Variants in ZNF334 observed in about 807,000 individuals in gnomAD.
The protein encoded by ZNF334 is zinc finger protein 334.
Under a neutral mutation model 12.4 loss-of-function variants are expected in ZNF334, and 14 were observed. The observed-to-expected ratio is 1.13, with a 90% CI of 0.74 to 1.76. The LOEUF is 1.76. ZNF334 is among the 40% of genes most tolerant of loss of function. The probability of loss-of-function intolerance (pLI) is 0.00; values close to 1 mark genes in which losing one functional copy is unlikely to be tolerated. For synonymous variants in ZNF334, 273 were observed against 269.6 expected (o/e 1.01, Z -0.12); for missense variants, 797 against 804.5 (o/e 0.99, Z 0.11).
chr20:46,503,855 A>G (rs889110677), intron 4 of ZNF334, among the ~76,000 whole-genome samples: 1 of 152,240 alleles, frequency 6.6e-6, no homozygotes, highest in African/African-American at 2.4e-5. Flanking sequence ...GACAATTAAA[A>G]AGATCATGAC....
chr20:46,504,695 C>A lies in ZNF334; in HGVS notation c.67G>T (p.Glu23Ter). Residue 23 changes from glutamate (E) to a stop codon, truncating the protein, a stop_gained, in exon 3 of 5, where the codon GAA (glutamate) becomes TAA (stop). Transcript: ENST00000692313. LOFTEE classifies it high-confidence loss of function. Reference sequence around the variant, plus strand: ...TGAGCAGGGTCCAGTTGCTGCCATTCCTCTTGGGTGAAGTTCACAGTCAGG... The same window carrying A: ...TGAGCAGGGTCCAGTTGCTGCCATTACTCTTGGGTGAAGTTCACAGTCAGG... ...QDLTVNFTQE[E>*]WQQLDPAQRL... The A allele has an allele frequency of 6.2e-7, 1 of 1,611,858 alleles. No homozygotes were observed.
the ZNF334 span, among the ~76,000 whole-genome samples, chr20:46,489,421 C>G: frequency 1.8e-3 from 275 of 152,118 alleles, 1 homozygote; most frequent in Non-Finnish European, 3.2e-3. Flanking sequence ...GTAACCCCAC[C>G]ACTTTGGGAG....
chr20:46,490,589 A>G, the ZNF334 span, among the ~76,000 whole-genome samples: 1 of 152,194 alleles, frequency 6.6e-6, no homozygotes, highest in African/African-American at 2.4e-5. Context: ...AATCACAAGT[A>G]TAATTATTTC....
Position 46,502,420 on chromosome 20 carries a change from C to T in ZNF334, c.919G>A (p.Ala307Thr), listed in dbSNP as rs768733880. ...ECRKTFIDKS[A>T]LIVHQKIHGG... The stretch of plus-strand genomic sequence containing the variant: ...TGAATTTTCTGGTGTACAATAAGGG[C>T]AGATTTGTCAATGAAGGTTTTCCTG... Residue 307 changes from alanine (A) to threonine (T), a missense_variant, in exon 5 of 5, where the codon GCC (alanine) becomes ACC (threonine). Physicochemically the swap from Ala to Thr is moderately conservative, Grantham distance 58. Transcript: ENST00000692313. 1.5e-5 allele frequency: 25 copies of T among 1,613,996 alleles called. No individual in the cohort carries two copies. Among genetic ancestry groups the T allele is most frequent in the African/African-American group, 4.0e-5 (3 of 74,924 alleles).
chr20:46,505,645 T>C, intron 2 of ZNF334: 1 of 153,768 alleles, frequency 6.5e-6, no homozygotes, highest in East Asian at 1.9e-4. Flanking sequence ...CAAACTTCAG[T>C]CCGTGGGCAA....
Position 46,501,507 on chromosome 20 carries a change from T to C in ZNF334, c.1832A>G (p.His611Arg), listed in dbSNP as rs565500702. Residue 611 changes from histidine to arginine, a missense_variant, in exon 5 of 5, where the codon CAT becomes CGT. Coordinates refer to ENST00000692313, the MANE Select transcript of ZNF334 (RefSeq NM_001353824.2). ...TCTATGGACTCTGAAGGCTGACTTA[T>C]GGCAGAAGGATTTCCCACATTCATT... ...ECNECGKSFC[H>R]KSAFRVHRRI... 2 of 1,614,188 alleles carry C rather than the reference T, an allele frequency of 1.2e-6. No homozygotes were observed. Among genetic ancestry groups the C allele is most frequent in the Non-Finnish European group, 1.7e-6 (2 of 1,179,994 alleles).
At chr20:46,484,345 A>C in the ZNF334 span, 75 of 165,742 alleles carry the variant, frequency 4.5e-4, no homozygotes, top group Non-Finnish European at 1.0e-3. Flanking sequence ...TTTTGGTCAC[A>C]TATTCTAATG....
chr20:46,485,590 G>A, the ZNF334 span: 1 of 152,106 alleles, frequency 6.6e-6, no homozygotes, highest in Non-Finnish European at 1.5e-5. Context: ...CAGAATGTAA[G>A]ATGATCCAGA....
rs1010300994 is a variant in ZNF334, at chr20:46,511,006, A to C, written c.21+1076T>G. On this transcript the variant is annotated intron_variant, in intron 2 of 4. Coordinates refer to ENST00000692313, the MANE Select transcript of ZNF334 (RefSeq NM_001353824.2). ...ATAAAGACTCACAAGTTAAAACCAC[A>C]AAGGGCATGAAAAAAAATCAGAAAG... Among the ~76,000 whole-genome samples, 12 of 152,228 alleles carry C rather than the reference A, an allele frequency of 7.9e-5. No individual in the cohort carries two copies. The Middle Eastern group carries it at 0.017, about 216-fold the overall frequency.
At chr20:46,494,805 G>T (rs1876847545), downstream of ZNF334, among the ~76,000 whole-genome samples, 1 of 152,142 alleles carries the variant, frequency 6.6e-6, no homozygotes, top group Non-Finnish European at 1.5e-5. Flanking sequence ...AGAACAACTT[G>T]TTCTGAAAAG....
chr20:46,480,397 C>T, the ZNF334 span, among the ~76,000 whole-genome samples: 5 of 152,240 alleles, frequency 3.3e-5, no homozygotes, highest in East Asian at 1.9e-4. Flanking sequence ...TGCTACTTTA[C>T]GCCGTCCCGC....
the ZNF334 span, among the ~76,000 whole-genome samples, chr20:46,468,121 A>G: frequency 6.6e-6 from 1 of 152,134 alleles, no homozygotes; most frequent in Non-Finnish European, 1.5e-5. Context: ...TTAGCCTGGG[A>G]CAGTTTTTGG....
downstream of ZNF334, among the ~76,000 whole-genome samples, chr20:46,495,518 C>T (rs902478776): frequency 6.6e-6 from 1 of 152,042 alleles, no homozygotes; most frequent in Non-Finnish European, 1.5e-5. Context: ...GATCCATGTA[C>T]CTCATATAAA....
chr20:46,502,164 A>G lies in ZNF334; in HGVS notation c.1175T>C (p.Leu392Pro), dbSNP rs1487041749. The G allele has an allele frequency of 1.2e-6, 2 of 1,614,136 alleles. No individual in the cohort carries two copies. Among genetic ancestry groups the G allele is most frequent in the Non-Finnish European group, 1.7e-6 (2 of 1,180,008 alleles). The change falls in exon 5 of 5, where the codon CTT becomes CCT. Residue 392 changes from leucine to proline, a missense_variant. Coordinates refer to ENST00000692313, the MANE Select transcript of ZNF334 (RefSeq NM_001353824.2). ...CGKTFFCQSA[L>P]TAHQRIHTGE... Reference sequence around the variant, plus strand: ...TGTGTGAATTCTCTGATGCGCAGTAAGGGCTGACTGACAGAAGAAGGTTTT... The same window carrying G: ...TGTGTGAATTCTCTGATGCGCAGTAGGGGCTGACTGACAGAAGAAGGTTTT...
chr20:46,502,028 T>C lies in ZNF334; in HGVS notation c.1311A>G (p.Gln437=), dbSNP rs779567046. The change falls in exon 5 of 5, where the codon CAA becomes CAG. Residue 437 remains glutamine, a synonymous_variant. Coordinates refer to ENST00000692313, the MANE Select transcript of ZNF334 (RefSeq NM_001353824.2). ...ATTTCGTACATAAAAATTTTCCACA[T>C]TGACTGCATTCATAGGGCTTCTCTC... is the stretch of plus-strand genomic sequence containing the variant. ...HTGEKPYECS[Q]CGKFLCTKSA... The C allele has an allele frequency of 3.1e-6, 5 of 1,614,160 alleles. No individual in the cohort carries two copies. The highest frequency in any genetic ancestry group is 4.2e-6 in the Non-Finnish European group (5 of 1,180,018).
the ZNF334 span, among the ~76,000 whole-genome samples, chr20:46,475,240 G>C: frequency 1.6e-4 from 24 of 152,242 alleles, no homozygotes; most frequent in African/African-American, 5.8e-4. Flanking sequence ...AAATGGTGCT[G>C]GAGCAATTGG....
chr20:46,480,448 G>A, the ZNF334 span, among the ~76,000 whole-genome samples: 242 of 152,310 alleles, frequency 1.6e-3, no homozygotes, highest in African/African-American at 5.5e-3. Flanking sequence ...CCATGCAGCT[G>A]CCTCATGGGG....
chr20:46,468,450 T>C, the ZNF334 span, among the ~76,000 whole-genome samples: 51 of 151,860 alleles, frequency 3.4e-4, 2 homozygotes, highest in African/African-American at 1.2e-3. Context: ...AATTTTTTTT[T>C]TTTTTTGGTA....
downstream of ZNF334, among the ~76,000 whole-genome samples, chr20:46,498,902 C>CG (rs2061068643): frequency 6.6e-6 from 1 of 152,098 alleles, no homozygotes; most frequent in East Asian, 1.9e-4. Flanking sequence ...GGGCCGGGCG[C>CG]GGTGGCTCAC....
Sources: allele counts gnomAD v4.1 joint callset (sites outside exome capture counted in the v4.1 genomes callset), GRCh38; gene constraint gnomAD v4.1.1; transcripts MANE v1.5; gene names NCBI Gene and HGNC (gene_info 2026-07-23, HGNC 2026-07-21).